WDR19: variants seen among roughly 807,000 people sequenced by gnomAD.
WDR19 encodes WD repeat-containing protein 19.
In WDR19, 121 loss-of-function variants were observed where a neutral mutation model predicts 180.0. The ratio of observed to expected loss-of-function variants is 0.67; its 90% confidence interval spans 0.58 to 0.78. The LOEUF is 0.78. Ranked by LOEUF, WDR19 falls within the 30% of genes least tolerant of loss-of-function variation. WDR19 has a pLI of 0.00. For missense variants in WDR19, 1,450 were observed against 1,640.7 expected (o/e 0.88, Z 2.01); for synonymous variants, 497 against 540.7 (o/e 0.92, Z 1.12).
chr4:39,234,928 T>TTCAGTTC, intron 20 of WDR19, 53 bp downstream of exon 20: 7 of 1,147,862 alleles, frequency 6.1e-6, no homozygotes, highest in Non-Finnish European at 8.9e-6. Flanking sequence ...TGCAAATATC[T>TTCAGTTC]TCAGTTCGAA....
rs1198266909 is a variant in WDR19, at chr4:39,228,321, G to A, written c.1741G>A (p.Val581Met). 2 of 1,612,488 alleles carry A rather than the reference G, an allele frequency of 1.2e-6. No individual in the cohort carries two copies. Among genetic ancestry groups the A allele is most frequent in the African/African-American group, 2.7e-5 (2 of 74,914 alleles). Reference protein sequence around the residue: ...GVFIAYDDDKVYTYVFHKDTI... With the variant: ...GVFIAYDDDKMYTYVFHKDTI... ...ATTTATTGCTTATGATGATGATAAG[G>A]TGTACACTTATGTCTTTCACAAGGA... The change falls in exon 16 of 37, where the codon GTG (valine) becomes ATG (methionine). Residue 581 changes from valine (V) to methionine (M), a missense_variant. Transcript: ENST00000399820.
chr4:39,217,046 A>G lies in WDR19; in HGVS notation c.1250-88A>G, dbSNP rs73808995. On this transcript the variant is annotated intron_variant, in intron 12 of 36. Coordinates refer to ENST00000399820, the MANE Select transcript of WDR19 (RefSeq NM_025132.4). ...AATTTTAAGTTCAGAATATTTTTGC[A>G]AAAGCACACCTTTTAAAATTATTTG... The G allele has an allele frequency of 5.5e-4, 472 of 865,806 alleles. 1 individual carries two copies. The African/African-American group carries it at 7.7e-3, about 14-fold the overall frequency. The allele number at this position is 865,806 out of a possible 1,614,324, so 53.6% of individuals were successfully genotyped here.
chr4:39,231,639 CT>C (rs1730875454), intron 17 of WDR19, among the ~76,000 whole-genome samples, 157 bp from the exon 18 acceptor site: 1 of 152,044 alleles, frequency 6.6e-6, no homozygotes, highest in African/African-American at 2.4e-5. Flanking sequence ...AGGAAGAAAG[CT>C]TAAGTGTTTT....
chr4:39,186,767 T>C (rs1395099847), intron 3 of WDR19, among the ~76,000 whole-genome samples, 163 bp downstream of exon 3: 1 of 152,152 alleles, frequency 6.6e-6, no homozygotes. Context: ...TGTAGAGATA[T>C]AGCATGAATT....
rs1312886713 is a variant in WDR19 at position 39,250,143 on chromosome 4, C to A, written c.2730-3003C>A. Among the ~76,000 whole-genome samples, 4 of 150,398 alleles carry A rather than the reference C, an allele frequency of 2.7e-5. 1 individual carries two copies. The highest frequency in any genetic ancestry group is 2.6e-4 in the Admixed American group (4 of 15,100). ...CCAGCAACACATCAAAAAGCTTATC[C>A]CCCATGATCAAGTGGGCTTCAAGTG... On this transcript the variant is annotated intron_variant, in intron 24 of 36. Coordinates refer to ENST00000399820, the MANE Select transcript of WDR19 (RefSeq NM_025132.4).
intron 5 of WDR19, among the ~76,000 whole-genome samples, chr4:39,197,651 C>T (rs1283072543): frequency 6.6e-6 from 1 of 151,474 alleles, no homozygotes; most frequent in East Asian, 1.9e-4. Flanking sequence ...ATGTGATTTC[C>T]CTGAAAAAAA....
intron 15 of WDR19, among the ~76,000 whole-genome samples, chr4:39,227,538 T>A (rs1730401249): frequency 6.6e-6 from 1 of 152,228 alleles, no homozygotes; most frequent in African/African-American, 2.4e-5. Context: ...GTATGACAAC[T>A]ATTTACATAG....
chr4:39,253,136 T>C lies in WDR19; in HGVS notation c.2730-10T>C. 6.4e-7 allele frequency: 1 copy of C among 1,567,300 alleles called. No homozygotes were observed. The highest frequency in any genetic ancestry group is 8.6e-7 in the Non-Finnish European group (1 of 1,162,926). On this transcript the variant is annotated splice_polypyrimidine_tract_variant and intron_variant, in intron 24 of 36. Coordinates refer to ENST00000399820, the MANE Select transcript of WDR19 (RefSeq NM_025132.4). ...GTTAAAAAAAGTTTATCTGAGCTAT[T>C]TTTTTACAGATACAAAGAAGCTGTT...
chr4:39,205,066 A>G, intron 7 of WDR19, 88 bp from the exon 8 acceptor site: 2 of 900,468 alleles, frequency 2.2e-6, no homozygotes, highest in South Asian at 1.8e-5. Context: ...TATTTTCACA[A>G]ATTAGGTTCA....
chr4:39,197,713 T>C (rs1726917251), intron 5 of WDR19, among the ~76,000 whole-genome samples: 1 of 152,162 alleles, frequency 6.6e-6, no homozygotes, highest in African/African-American at 2.4e-5. Flanking sequence ...AGCTTCCCAA[T>C]AGTTAGTGGC....
chr4:39,219,199 G>C (rs1358131649), intron 14 of WDR19: 1 of 152,074 alleles, frequency 6.6e-6, no homozygotes, highest in Non-Finnish European at 1.5e-5. Flanking sequence ...TCATCATCAA[G>C]TATTATGTAC....
At chr4:39,248,637 A>C (rs1732794049) in intron 24 of WDR19, among the ~76,000 whole-genome samples, 1 of 152,214 alleles carries the variant, frequency 6.6e-6, no homozygotes, top group African/African-American at 2.4e-5. Flanking sequence ...ACATAGGCTC[A>C]AAATAAAGGG....
intron 17 of WDR19, among the ~76,000 whole-genome samples, chr4:39,230,601 C>T (rs1730739388): frequency 1.3e-5 from 2 of 152,242 alleles, no homozygotes; most frequent in South Asian, 4.1e-4. Flanking sequence ...CAAAGAGTTA[C>T]CTATTGTAAG....
intron 14 of WDR19, among the ~76,000 whole-genome samples, chr4:39,219,743 T>C (rs993820960): frequency 4.6e-5 from 7 of 152,230 alleles, no homozygotes; most frequent in African/African-American, 1.7e-4. Context: ...TTCAATTTCT[T>C]GGTCCTTTGA....
chr4:39,201,466 A>G (rs998644814), intron 6 of WDR19, among the ~76,000 whole-genome samples: 1 of 152,188 alleles, frequency 6.6e-6, no homozygotes, highest in South Asian at 2.1e-4. Flanking sequence ...AGATAGTGCA[A>G]AACATTTACT....
In WDR19 at chr4:39,266,647, A is replaced by T. The variant is rs75889289; in HGVS notation, c.3261+507A>T. Among the ~76,000 whole-genome samples the T allele has an allele frequency of 7.9e-3, 1,210 of 152,378 alleles. 19 individuals carry two copies. Among genetic ancestry groups the T allele is most frequent in the African/African-American group, 0.028 (1,144 of 41,586 alleles). Reference sequence around the variant, plus strand: ...TGTTATAATTTTGTTTATTCTAGGAACTATGAAAAAAGATCACTGATGTTG... The same window carrying T: ...TGTTATAATTTTGTTTATTCTAGGATCTATGAAAAAAGATCACTGATGTTG... On this transcript the variant is annotated intron_variant, in intron 29 of 36. Transcript: ENST00000399820.
chr4:39,222,866 G>C (rs141611429), intron 14 of WDR19, among the ~76,000 whole-genome samples: 30 of 152,262 alleles, frequency 2.0e-4, no homozygotes, highest in Non-Finnish European at 3.8e-4. Context: ...TCAACATACA[G>C]AACAATTCTG....
At chr4:39,187,637 C>T (rs1400246474) in intron 3 of WDR19, among the ~76,000 whole-genome samples, 2 of 152,136 alleles carry the variant, frequency 1.3e-5, no homozygotes, top group Non-Finnish European at 2.9e-5. Flanking sequence ...TTAATTGTGG[C>T]TTCTGGTTTC....
chr4:39,251,934 G>A (rs1464883187), intron 24 of WDR19, among the ~76,000 whole-genome samples: 2 of 152,184 alleles, frequency 1.3e-5, no homozygotes, highest in Non-Finnish European at 2.9e-5. Flanking sequence ...TTCAATCATT[G>A]TGGAAGTCGG....
Sources: allele counts gnomAD v4.1 joint callset (sites outside exome capture counted in the v4.1 genomes callset), GRCh38; gene constraint gnomAD v4.1.1; transcripts MANE v1.5; gene names NCBI Gene and HGNC (gene_info 2026-07-23, HGNC 2026-07-21).